The following KIFAP3 variants were observed in gnomAD, a reference collection of about 807,000 sequenced individuals.
The protein encoded by KIFAP3 is kinesin-associated protein 3.
A neutral mutation model predicts 106.5 loss-of-function variants in KIFAP3; 68 were observed. That is an observed-to-expected ratio of 0.64 (90% CI 0.53 to 0.78). KIFAP3 has a LOEUF of 0.78. KIFAP3 is among the 30% of genes least tolerant of loss of function. The pLI is 0.00. For synonymous variants in KIFAP3, 320 were observed against 311.5 expected (o/e 1.03, Z -0.29); for missense variants, 780 against 941.8 (o/e 0.83, Z 2.25).
At chr1:169,954,915 T>C (rs1348200678) in intron 18 of KIFAP3, among the ~76,000 whole-genome samples, 2 of 152,344 alleles carry the variant, frequency 1.3e-5, no homozygotes, top group South Asian at 2.1e-4. Context: ...AGAGTTGTAC[T>C]ACTTTCTCAT....
At position 169,921,663 on chromosome 1, in the gene KIFAP3, A is replaced by G. The variant is rs777836246; in HGVS notation, c.*13T>C. 1.5e-5 allele frequency: 24 copies of G among 1,596,964 alleles called. No homozygotes were observed. The highest frequency in any genetic ancestry group is 1.9e-5 in the Non-Finnish European group (22 of 1,164,850). The stretch of plus-strand genomic sequence containing the variant: ...CTTCTAAGCTGAGATTACACATGGA[A>G]ACAGATACTTTATCAAGATCCATAG... On this transcript the variant is annotated 3_prime_UTR_variant, in exon 20 of 20. Transcript: ENST00000361580.
intron 18 of KIFAP3, chr1:169,958,293 C>T (rs1175697932): frequency 1.3e-5 from 2 of 152,280 alleles, no homozygotes; most frequent in Non-Finnish European, 1.5e-5. Flanking sequence ...GGTCTCACTA[C>T]ATTGACCAGG....
chr1:169,956,382 A>G (rs1177919871), intron 18 of KIFAP3, among the ~76,000 whole-genome samples: 5 of 152,160 alleles, frequency 3.3e-5, no homozygotes, highest in Non-Finnish European at 7.4e-5. Flanking sequence ...TCAACATCTT[A>G]TTTTTGATTC....
At chr1:169,939,752 G>A (rs188574109) in intron 19 of KIFAP3, among the ~76,000 whole-genome samples, 3 of 152,144 alleles carry the variant, frequency 2.0e-5, no homozygotes, top group Admixed American at 1.3e-4. Context: ...CAGAAAAATG[G>A]GGTATCTTGA....
At chr1:169,959,151 A>T (rs1355984113) in intron 18 of KIFAP3, among the ~76,000 whole-genome samples, 1 of 152,210 alleles carries the variant, frequency 6.6e-6, no homozygotes, top group Non-Finnish European at 1.5e-5. Flanking sequence ...GAGGCTTAAA[A>T]ACATGGCTCA....
intron 1 of KIFAP3, among the ~76,000 whole-genome samples, chr1:170,070,558 A>G (rs987252457): frequency 5.3e-5 from 8 of 152,114 alleles, no homozygotes; most frequent in Non-Finnish European, 8.8e-5. Context: ...AGAACAGTCA[A>G]TTGTTCTTTT....
At chr1:170,018,423 C>A (rs1668630869) in intron 9 of KIFAP3, among the ~76,000 whole-genome samples, 1 of 152,060 alleles carries the variant, frequency 6.6e-6, no homozygotes. Flanking sequence ...AGAAGCTCTG[C>A]ATTCAGATTT....
At chr1:169,941,777 A>C (rs1234195440) in intron 19 of KIFAP3, among the ~76,000 whole-genome samples, 1 of 152,220 alleles carries the variant, frequency 6.6e-6, no homozygotes, top group Non-Finnish European at 1.5e-5. Context: ...AGAAAAGATA[A>C]GAGGTGTAAG....
intron 1 of KIFAP3, among the ~76,000 whole-genome samples, chr1:170,073,601 G>A (rs1354639950): frequency 6.6e-6 from 1 of 152,134 alleles, no homozygotes; most frequent in Non-Finnish European, 1.5e-5. Flanking sequence ...AGGAAACCGT[G>A]CCCAAAGGAA....
chr1:169,967,371 C>T (rs1003779057), intron 17 of KIFAP3, among the ~76,000 whole-genome samples: 1 of 151,732 alleles, frequency 6.6e-6, no homozygotes, highest in Non-Finnish European at 1.5e-5. Context: ...TCCTATGGAC[C>T]ATCATTCGGG....
chr1:170,047,287 T>C (rs1352410313), intron 2 of KIFAP3, among the ~76,000 whole-genome samples: 4 of 152,104 alleles, frequency 2.6e-5, no homozygotes, highest in Admixed American at 1.3e-4. Flanking sequence ...TCAGATTCAG[T>C]TGTTCTGGTG....
At chr1:170,044,346 A>G (rs1670135166) in intron 3 of KIFAP3, among the ~76,000 whole-genome samples, 1 of 152,296 alleles carries the variant, frequency 6.6e-6, no homozygotes, top group Middle Eastern at 3.4e-3. Context: ...AGACTGCCTG[A>G]GCCCACAGAA....
At position 170,031,888 on chromosome 1, in the gene KIFAP3, C is replaced by T. The variant is rs763019177; in HGVS notation, c.839G>A (p.Arg280Gln). The change falls in exon 8 of 20, where the codon CGA (arginine) becomes CAA (glutamine). Residue 280 changes from arginine (R) to glutamine (Q), a missense_variant and splice_region_variant. By Grantham distance (43) the Arg-to-Gln change is conservative. Coordinates refer to ENST00000361580, the MANE Select transcript of KIFAP3 (RefSeq NM_014970.4). Reference protein sequence around the residue: ...GLVVKQEQLLRVALYLLLNLA... With the variant: ...GLVVKQEQLLQVALYLLLNLA... ...CCTCATTGCTTAGGAATTCATACCT[C>T]GTAATAGCTGTTCCTGTTTTACCAC... 4 of 1,591,814 alleles carry T rather than the reference C, an allele frequency of 2.5e-6. No individual in the cohort carries two copies. Among genetic ancestry groups the T allele is most frequent in the Non-Finnish European group, 3.4e-6 (4 of 1,161,076 alleles).
chr1:169,998,080 T>C (rs1667460120), intron 10 of KIFAP3, among the ~76,000 whole-genome samples: 1 of 150,784 alleles, frequency 6.6e-6, no homozygotes, highest in African/African-American at 2.4e-5. Context: ...CCCCTCTCAA[T>C]ACCCCCCTCC....
chr1:169,992,464 T>C (rs527602073), intron 10 of KIFAP3, among the ~76,000 whole-genome samples: 1 of 152,288 alleles, frequency 6.6e-6, no homozygotes, highest in Admixed American at 6.5e-5. Context: ...CAAGAAAGAA[T>C]GTCTATTTCC....
At chr1:169,967,297 G>A (rs1310139107) in intron 17 of KIFAP3, among the ~76,000 whole-genome samples, 1 of 151,658 alleles carries the variant, frequency 6.6e-6, no homozygotes, top group African/African-American at 2.4e-5. Flanking sequence ...CCCCCTCCTG[G>A]ACAAAACTTT....
intron 10 of KIFAP3, among the ~76,000 whole-genome samples, chr1:169,996,670 G>A (rs917868643): frequency 1.3e-5 from 2 of 152,188 alleles, no homozygotes; most frequent in African/African-American, 4.8e-5. Flanking sequence ...GGAGGCAGCA[G>A]AGGGAGTGAA....
At chr1:169,975,198 C>T (rs1666161899) in intron 16 of KIFAP3, among the ~76,000 whole-genome samples, 1 of 151,906 alleles carries the variant, frequency 6.6e-6, no homozygotes, top group South Asian at 2.1e-4. Context: ...ATTTTATTTC[C>T]CATACTGCAG....
Position 170,074,456 on chromosome 1 carries a change from C to T in KIFAP3, c.12G>A (p.Glu4=), listed in dbSNP as rs1265970410. The change falls in exon 1 of 20, where the codon GAG becomes GAA. Residue 4 remains glutamate (E), a synonymous_variant. Coordinates refer to ENST00000361580, the MANE Select transcript of KIFAP3 (RefSeq NM_014970.4). ...GTCACCTTTTGAGGTATCTGGCGTC[C>T]TCCCCTTGCATGGCGGCAGCGGCAG... is the stretch of plus-strand genomic sequence containing the variant. MQG[E]DARYLKRKVK... 1.2e-6 allele frequency: 2 copies of T among 1,614,028 alleles called. No homozygotes were observed. Among genetic ancestry groups the T allele is most frequent in the Non-Finnish European group, 1.7e-6 (2 of 1,179,946 alleles).
Sources: allele counts gnomAD v4.1 joint callset (sites outside exome capture counted in the v4.1 genomes callset), GRCh38; gene constraint gnomAD v4.1.1; transcripts MANE v1.5; gene names NCBI Gene and HGNC (gene_info 2026-07-23, HGNC 2026-07-21).